The following OTOG variants were observed in gnomAD, a reference collection of about 807,000 sequenced individuals.
OTOG encodes the protein otogelin.
In OTOG, 296 loss-of-function variants were observed where a neutral mutation model predicts 313.8. That is an observed-to-expected ratio of 0.94 (90% CI 0.86 to 1.04). The LOEUF (loss-of-function observed/expected upper bound fraction) is 1.04, where lower values mean the gene tolerates loss of function less well. OTOG is among the 50% of genes least tolerant of loss of function. The probability of loss-of-function intolerance (pLI) is 0.00; values close to 1 mark genes in which losing one functional copy is unlikely to be tolerated. For missense variants in OTOG, 3,948 were observed against 3,840.1 expected (o/e 1.03, Z -0.74); for synonymous variants, 1,533 against 1,554.9 (o/e 0.99, Z 0.33).
At position 17,576,610 on chromosome 11, in the gene OTOG, C is replaced by T. The variant is rs1852532894; in HGVS notation, c.2541C>T (p.Asp847=). The T allele has an allele frequency of 2.6e-6, 4 of 1,550,296 alleles. No individual in the cohort carries two copies. In the Admixed American group the frequency reaches 5.9e-5, roughly 23 times the overall value. ...TGGACTATCCCCCCGGAGACAGTGA[C>T]ATCCCATCCCTGGGCCACTGGTGAG... ...QGVDYPPGDS[D]IPSLGHCHCK... Residue 847 remains aspartate (D), a synonymous_variant, in exon 21 of 56, where the codon GAC becomes GAT. Transcript: ENST00000399397.
rs570174696 is a variant in OTOG, at chr11:17,553,375, C to T, written c.396C>T (p.Ala132=). 3.2e-5 allele frequency: 47 copies of T among 1,463,838 alleles called. No homozygotes were observed. Among genetic ancestry groups the T allele is most frequent in the East Asian group, 1.5e-4 (6 of 40,046 alleles). 90.7% of individuals were successfully genotyped at this position (1,463,838 alleles called of 1,614,324 possible). The change falls in exon 6 of 56, where the codon GCC becomes GCT. Residue 132 remains alanine (A), a synonymous_variant. Coordinates refer to ENST00000399397, the MANE Select transcript of OTOG (RefSeq NM_001292063.2). ...TGPRCQMVYN[A]GPERDSICRA... ...TTTTCTCTCCCTCAGTGTACAATGC[C>T]GGCCCTGAGAGGGACAGCATTTGCC...
chr11:17,645,956 C>T lies in OTOG; in HGVS notation c.*12C>T, dbSNP rs924834530. 1 of 1,547,152 alleles carries T rather than the reference C, an allele frequency of 6.5e-7. No homozygotes were observed. Among genetic ancestry groups the T allele is most frequent in the Non-Finnish European group, 8.7e-7 (1 of 1,146,858 alleles). ...GCCAGTGGTCCTGAGGCCTGGGGGC[C>T]CGGGCTAGCTGGACCACCTCTGCCA... On this transcript the variant is annotated 3_prime_UTR_variant, in exon 56 of 56. Coordinates refer to ENST00000399397, the MANE Select transcript of OTOG (RefSeq NM_001292063.2).
rs1400572134 is a variant in OTOG, at chr11:17,610,885, C to T, written c.5585C>T (p.Pro1862Leu). The change falls in exon 36 of 56, where the codon CCC becomes CTC. Residue 1862 changes from proline to leucine, a missense_variant. Physicochemically the swap from Pro to Leu is moderately conservative, Grantham distance 98. Transcript: ENST00000399397. ...TPAAMTQAHP[P>L]THIAPPAAGT... ...GCAGCAATGACCCAGGCGCACCCAC[C>T]CACTCACATAGCACCCCCAGCAGCA... 3 of 1,550,740 alleles carry T rather than the reference C, an allele frequency of 1.9e-6. No individual in the cohort carries two copies. The highest frequency in any genetic ancestry group is 2.6e-6 in the Non-Finnish European group (3 of 1,146,988).
intron 24 of OTOG, among the ~76,000 whole-genome samples, chr11:17,589,751 G>T (rs538821618): frequency 7.2e-5 from 11 of 152,038 alleles, no homozygotes; most frequent in Non-Finnish European, 1.5e-4. Context: ...AGCCCTTTCG[G>T]TCAGGCATTT....
intron 15 of OTOG, among the ~76,000 whole-genome samples, chr11:17,566,427 G>T (rs1417723836): frequency 6.6e-6 from 1 of 152,082 alleles, no homozygotes; most frequent in Non-Finnish European, 1.5e-5. Flanking sequence ...AGAACCCCTG[G>T]ATATGGAGAG....
chr11:17,556,240 C>T (rs1387609703), intron 7 of OTOG, among the ~76,000 whole-genome samples: 1 of 152,210 alleles, frequency 6.6e-6, no homozygotes, highest in Non-Finnish European at 1.5e-5. Flanking sequence ...GTTTCTACCT[C>T]CTCTCAGCAG....
intron 6 of OTOG, among the ~76,000 whole-genome samples, chr11:17,554,085 CT>C (rs1453619828): frequency 6.6e-6 from 1 of 152,106 alleles, no homozygotes; most frequent in Non-Finnish European, 1.5e-5. Context: ...TGAGAACATT[CT>C]GGGGAAAAAG....
intron 17 of OTOG, among the ~76,000 whole-genome samples, chr11:17,570,883 T>G (rs1406843660): frequency 6.6e-6 from 1 of 152,142 alleles, no homozygotes; most frequent in Non-Finnish European, 1.5e-5. Context: ...ACCAGGCCAG[T>G]CTAACCCTTG....
chr11:17,641,288 G>T (rs186451210), intron 51 of OTOG, among the ~76,000 whole-genome samples, 197 bp downstream of exon 51: 6 of 152,280 alleles, frequency 3.9e-5, no homozygotes, highest in African/African-American at 1.4e-4. Context: ...CAGAAGGGAC[G>T]GATTTAGTGC....
At chr11:17,573,983 T>C (rs1161974524) in intron 19 of OTOG, among the ~76,000 whole-genome samples, 1 of 152,170 alleles carries the variant, frequency 6.6e-6, no homozygotes, top group African/African-American at 2.4e-5. Flanking sequence ...AGAGTTACCA[T>C]AGGAGCTTTC....
intron 22 of OTOG, 96 bp from the exon 23 acceptor site, chr11:17,578,277 G>C: frequency 7.1e-7 from 1 of 1,408,772 alleles, no homozygotes; most frequent in Non-Finnish European, 9.2e-7. Context: ...AGACTTCCGA[G>C]CCCGTCTCTC....
intron 3 of OTOG, among the ~76,000 whole-genome samples, chr11:17,551,432 T>C (rs887269661): frequency 1.3e-5 from 2 of 152,086 alleles, no homozygotes; most frequent in African/African-American, 4.8e-5. Context: ...AGACCTGAGG[T>C]ATCAGGGCAG....
rs1395457087 is a variant in OTOG at position 17,609,120 on chromosome 11, C to T, written c.4275-10C>T. On this transcript the variant is annotated splice_polypyrimidine_tract_variant and intron_variant, in intron 34 of 55. Coordinates refer to ENST00000399397, the MANE Select transcript of OTOG (RefSeq NM_001292063.2). ...TCAGGCCTTTAAACTGCTCCCTGCT[C>T]TGTCCTCAGGGTAGAAGGCTGTGTC... 2 of 1,549,492 alleles carry T rather than the reference C, an allele frequency of 1.3e-6. No individual in the cohort carries two copies. The highest frequency in any genetic ancestry group is 8.7e-7 in the Non-Finnish European group (1 of 1,146,072).
At chr11:17,607,707 G>A (rs1276404620) in intron 33 of OTOG, among the ~76,000 whole-genome samples, 1 of 152,248 alleles carries the variant, frequency 6.6e-6, no homozygotes, top group Non-Finnish European at 1.5e-5. Flanking sequence ...AACAGAGAGG[G>A]CTGAGTCGGG....
In OTOG at chr11:17,637,755, A is replaced by C. The variant is rs78880281; in HGVS notation, c.7796-696A>C. On this transcript the variant is annotated intron_variant, in intron 47 of 55. Coordinates refer to ENST00000399397, the MANE Select transcript of OTOG (RefSeq NM_001292063.2). ...CCAGAAAATAACCTATTACTTTGAC[A>C]CCATAAAAATGCCCTCCCTCATAAT... 3.7e-3 allele frequency among the ~76,000 whole-genome samples: 563 copies of C among 152,252 alleles called. 3 individuals carry two copies. The highest frequency in any genetic ancestry group is 0.013 in the African/African-American group (540 of 41,530).
intron 23 of OTOG, among the ~76,000 whole-genome samples, chr11:17,583,156 A>G (rs1852712605): frequency 6.6e-6 from 1 of 152,026 alleles, no homozygotes; most frequent in African/African-American, 2.4e-5. Context: ...TTTTTTACAG[A>G]CAAGGTCTTG....
chr11:17,634,805 C>T (rs1179716038), intron 44 of OTOG, 39 bp from the exon 45 acceptor site: 33 of 1,499,558 alleles, frequency 2.2e-5, no homozygotes, highest in Non-Finnish European at 2.4e-5. Flanking sequence ...TGGGGACATC[C>T]GGCCCCGAGG....
At chr11:17,601,480 TGGGG>T (rs1299121914) in intron 31 of OTOG, among the ~76,000 whole-genome samples, 2 of 14,424 alleles carry the variant, frequency 1.4e-4, no homozygotes, top group African/African-American at 5.8e-4. Context: ...AGCCAGGGCG[TGGGG>T]GGAGTGGGGG....
chr11:17,593,281 A>G lies in OTOG; in HGVS notation c.3095A>G (p.Asn1032Ser). 4 of 1,550,566 alleles carry G rather than the reference A, an allele frequency of 2.6e-6. No homozygotes were observed. The highest frequency in any genetic ancestry group is 3.5e-6 in the Non-Finnish European group (4 of 1,146,942). Residue 1032 changes from asparagine to serine, a missense_variant, in exon 26 of 56, where the codon AAC becomes AGC. By Grantham distance (46) the Asn-to-Ser change is conservative (BLOSUM62 1). Coordinates refer to ENST00000399397, the MANE Select transcript of OTOG (RefSeq NM_001292063.2). The part of the protein sequence containing the change: ...GMICRKFISI[N>S]VGNSLIVFDD... ...ATCTGCAGGAAATTTATTTCCATCAACGTTGGGAACTCACTCATTGTCTTT... is the reference window on the plus strand; with the variant it reads ...ATCTGCAGGAAATTTATTTCCATCAGCGTTGGGAACTCACTCATTGTCTTT...
Sources: allele counts gnomAD v4.1 joint callset (sites outside exome capture counted in the v4.1 genomes callset), GRCh38; gene constraint gnomAD v4.1.1; transcripts MANE v1.5; gene names NCBI Gene and HGNC (gene_info 2026-07-23, HGNC 2026-07-21).